BEST1: variants seen among roughly 807,000 people sequenced by gnomAD.
BEST1 encodes bestrophin 1.
BEST1 carries 58 observed loss-of-function variants against 63.3 expected under a neutral mutation model. That is an observed-to-expected ratio of 0.92 (90% CI 0.74 to 1.14). The LOEUF (loss-of-function observed/expected upper bound fraction) is 1.14. BEST1 is among the 50% of genes most tolerant of loss of function. BEST1 has a pLI of 0.00. For missense variants in BEST1, 671 were observed against 740.1 expected (o/e 0.91, Z 1.08); for synonymous variants, 283 against 291.6 (o/e 0.97, Z 0.30).
intron 3 of BEST1, 47 bp downstream of exon 3, chr11:61,955,248 C>T (rs1401224281): frequency 6.2e-7 from 1 of 1,613,722 alleles, no homozygotes; most frequent in Admixed American, 1.7e-5. Flanking sequence ...GCCGCCCAGG[C>T]TCCAGACAGG....
intron 9 of BEST1, chr11:61,960,273 G>T: frequency 1.6e-6 from 1 of 629,542 alleles, no homozygotes; most frequent in South Asian, 2.0e-5. Flanking sequence ...GTTGTCCAAG[G>T]CCACATAGCT....
intron 7 of BEST1, chr11:61,958,707 C>T: frequency 4.5e-6 from 2 of 447,074 alleles, no homozygotes; most frequent in South Asian, 4.2e-5. Flanking sequence ...TATTCCCTCC[C>T]ACCACAGCCA....
intron 10 of BEST1, chr11:61,963,250 G>C (rs1299660321): frequency 7.2e-7 from 1 of 1,382,740 alleles, no homozygotes; most frequent in African/African-American, 1.4e-5. Flanking sequence ...CTTTGAGCAA[G>C]GGTGGCTGAC....
chr11:61,964,763 G>A (rs767678543), downstream of BEST1: 2 of 1,599,372 alleles, frequency 1.3e-6, no homozygotes. Context: ...GGGTGTGCTT[G>A]TCAAAGAGAT....
downstream of BEST1, chr11:61,964,948 T>C (rs1942415612): frequency 6.2e-7 from 1 of 1,613,908 alleles, no homozygotes; most frequent in African/African-American, 1.3e-5. Context: ...CTAAGGCAAA[T>C]GATTTCCTCC....
intron 2 of BEST1, among the ~76,000 whole-genome samples, chr11:61,952,606 A>G (rs1199551888): frequency 6.7e-6 from 1 of 148,710 alleles, no homozygotes; most frequent in Non-Finnish European, 1.5e-5. Context: ...AGCTGGAATT[A>G]TAGGCACACA....
intron 9 of BEST1, 172 bp from the exon 10 acceptor site, chr11:61,962,083 C>T (rs552797908): frequency 6.5e-5 from 43 of 665,552 alleles, no homozygotes; most frequent in East Asian, 6.3e-4. Flanking sequence ...GAGGGATCAC[C>T]GGGAGGTACA....
intron 9 of BEST1, chr11:61,960,251 CAG>C: frequency 1.4e-6 from 1 of 718,146 alleles, no homozygotes; most frequent in South Asian, 1.9e-5. Flanking sequence ...AGTACAGGTT[CAG>C]AGAGAGTAAG....
chr11:61,961,182 T>A (rs557239752), intron 9 of BEST1: 1 of 152,222 alleles, frequency 6.6e-6, no homozygotes, highest in East Asian at 1.9e-4. Flanking sequence ...CAAGCCCGGC[T>A]AATTTTTGTA....
intron 9 of BEST1, chr11:61,960,453 C>G: frequency 1.3e-5 from 3 of 237,468 alleles, no homozygotes; most frequent in Non-Finnish European, 2.6e-5. Flanking sequence ...TCACTGCAAC[C>G]TCCGCCTCCT....
intron 7 of BEST1, 95 bp from the exon 8 acceptor site, chr11:61,959,403 T>G: frequency 2.5e-6 from 3 of 1,209,066 alleles, no homozygotes; most frequent in Non-Finnish European, 3.7e-6. Context: ...AAGGGCGTCA[T>G]GGGGTGTGGA....
chr11:61,960,429 GGC>G (rs1182682198), intron 9 of BEST1: 2 of 278,822 alleles, frequency 7.2e-6, no homozygotes, highest in African/African-American at 4.4e-5. Flanking sequence ...GGAGCGCAGT[GGC>G]GTGATCTTGG....
chr11:61,962,943 C>A, intron 10 of BEST1, 50 bp downstream of exon 10: 2 of 1,614,128 alleles, frequency 1.2e-6, no homozygotes, highest in Non-Finnish European at 1.7e-6. Context: ...GTGCCCCACC[C>A]CAGCTTCCCT....
At chr11:61,956,701 C>A in intron 4 of BEST1, 143 bp from the exon 5 acceptor site, 1 of 929,796 alleles carries the variant, frequency 1.1e-6, no homozygotes, top group Non-Finnish European at 1.8e-6. Flanking sequence ...CCCAGAACAG[C>A]ACCTAGTAGG....
Position 61,957,702 on chromosome 11 carries a change from T to C in BEST1, c.714+238T>C, listed in dbSNP as rs2955684. On this transcript the variant is annotated intron_variant, in intron 6 of 10. Coordinates refer to ENST00000378043, the MANE Select transcript of BEST1 (RefSeq NM_004183.4). ...CCATATTAAAGAGAGGTTGGCCGGG[T>C]GCAGTGGCTCATGCCTGTAATCCCA... Among the ~76,000 whole-genome samples the C allele has an allele frequency of 0.85, 128,342 of 151,680 alleles. 55,319 individuals are homozygous for C. The highest frequency in any genetic ancestry group is 1 in the East Asian group (5,142 of 5,148).
intron 2 of BEST1, 28 bp downstream of exon 2, chr11:61,951,986 G>A (rs200543078): frequency 9.9e-6 from 16 of 1,611,370 alleles, no homozygotes; most frequent in Non-Finnish European, 1.4e-5. Context: ...GGGCCGGGGG[G>A]CCTGGGAAGG....
At chr11:61,958,607 T>G in intron 7 of BEST1, 1 of 650,832 alleles carries the variant, frequency 1.5e-6, no homozygotes. Context: ...CAGAAGCCCC[T>G]GCCCTTTAGA....
chr11:61,964,562 AC>A, downstream of BEST1: 1 of 812,028 alleles, frequency 1.2e-6, no homozygotes, highest in Non-Finnish European at 2.0e-6. Flanking sequence ...CAAAGACAAC[AC>A]CTGGGTACCA....
Position 61,962,619 on chromosome 11 carries a change from C to T in BEST1, c.1465C>T (p.Leu489Phe), listed in dbSNP as rs762453759. 3 of 1,614,184 alleles carry T rather than the reference C, an allele frequency of 1.9e-6. No homozygotes were observed. The highest frequency in any genetic ancestry group is 2.5e-6 in the Non-Finnish European group (3 of 1,180,038). The change falls in exon 10 of 11, where the codon CTT becomes TTT. Residue 489 changes from leucine to phenylalanine, a missense_variant. Coordinates refer to ENST00000378043, the MANE Select transcript of BEST1 (RefSeq NM_004183.4). ...FPLEPSAPSK[L>F]HSVTGIDTKD... ...CCTAGAACCATCAGCGCCGTCAAAG[C>T]TTCACAGTGTCACAGGCATAGACAC...
Sources: gnomAD v4.1 joint callset for allele counts (sites outside exome capture counted in the v4.1 genomes callset) on GRCh38, gnomAD v4.1.1 for gene constraint, MANE v1.5 for transcripts, NCBI Gene and HGNC (gene_info 2026-07-23, HGNC 2026-07-21) for gene names.